Variants in LGSN observed in about 807,000 individuals in gnomAD.
The protein encoded by LGSN is lengsin.
Under a neutral mutation model 19.5 loss-of-function variants are expected in LGSN, and 21 were observed. The observed-to-expected ratio is 1.07, with a 90% CI of 0.76 to 1.55. The LOEUF is 1.55. Ranked by LOEUF, LGSN falls within the 40% of genes most tolerant of loss-of-function variation. LGSN has a pLI of 0.00. For synonymous variants in LGSN, 257 were observed against 215.6 expected (o/e 1.19, Z -1.68); for missense variants, 673 against 608.5 (o/e 1.11, Z -1.12).
chr6:63,314,152 A>T (rs1472735918), intron 1 of LGSN, among the ~76,000 whole-genome samples: 1 of 152,128 alleles, frequency 6.6e-6, no homozygotes, highest in African/African-American at 2.4e-5. Flanking sequence ...AAACCCTAAC[A>T]CCTAATGCGA....
chr6:63,408,769 G>C, the LGSN span, among the ~76,000 whole-genome samples: 1 of 151,522 alleles, frequency 6.6e-6, no homozygotes, highest in East Asian at 1.9e-4. Context: ...GAAAATTTTC[G>C]CAACCTACTT....
chr6:63,357,652 A>G, the LGSN span, among the ~76,000 whole-genome samples: 1 of 152,088 alleles, frequency 6.6e-6, no homozygotes, highest in African/African-American at 2.4e-5. Flanking sequence ...GTCTATTCAT[A>G]TCCTTTGCCC....
chr6:63,406,804 G>A, the LGSN span, among the ~76,000 whole-genome samples: 1 of 150,200 alleles, frequency 6.7e-6, no homozygotes, highest in South Asian at 2.1e-4. Context: ...GAAGAAAAGA[G>A]AGAAGAATCA....
intron 2 of LGSN, chr6:63,293,575 C>T: frequency 3.0e-6 from 1 of 335,474 alleles, no homozygotes; most frequent in South Asian, 2.4e-5. Context: ...CCTCAACCAA[C>T]ATTACATTCT....
At chr6:63,545,798 C>T in the LGSN span, among the ~76,000 whole-genome samples, 1 of 151,954 alleles carries the variant, frequency 6.6e-6, no homozygotes, top group Non-Finnish European at 1.5e-5. Flanking sequence ...TTCATTCTAG[C>T]TTTCCCATGT....
At chr6:63,419,860 G>T in the LGSN span, among the ~76,000 whole-genome samples, 1 of 114,054 alleles carries the variant, frequency 8.8e-6, no homozygotes, top group Non-Finnish European at 1.7e-5. Flanking sequence ...TAGCCTGGGC[G>T]TAAGAGCGAA....
the LGSN span, chr6:63,549,286 T>A: frequency 4.0e-6 from 3 of 753,888 alleles, no homozygotes; most frequent in South Asian, 4.1e-5. Context: ...GGAGGCACTT[T>A]CAGCCACTTA....
At chr6:63,506,692 C>T in the LGSN span, among the ~76,000 whole-genome samples, 1 of 152,188 alleles carries the variant, frequency 6.6e-6, no homozygotes, top group Non-Finnish European at 1.5e-5. Context: ...AACGGGCATA[C>T]ATGAAAGTTA....
chr6:63,517,205 T>G, the LGSN span, among the ~76,000 whole-genome samples: 1 of 152,256 alleles, frequency 6.6e-6, no homozygotes, highest in Non-Finnish European at 1.5e-5. Flanking sequence ...AAATAAAATA[T>G]ATCTGGAAAG....
At chr6:63,549,249 A>G in the LGSN span, 5 of 745,158 alleles carry the variant, frequency 6.7e-6, no homozygotes, top group African/African-American at 8.6e-5. Context: ...TTGGTGGTCC[A>G]GGGCCTGGGT....
chr6:63,511,153 C>T, the LGSN span, among the ~76,000 whole-genome samples: 94 of 152,180 alleles, frequency 6.2e-4, 1 homozygote, highest in Non-Finnish European at 8.8e-4. Context: ...TCCTGCAACA[C>T]GCTATATCTA....
the LGSN span, among the ~76,000 whole-genome samples, chr6:63,391,931 G>A: frequency 1.3e-5 from 2 of 152,286 alleles, no homozygotes; most frequent in African/African-American, 4.8e-5. Context: ...CTCCTCTCCA[G>A]TATAAGTCTT....
the LGSN span, among the ~76,000 whole-genome samples, chr6:63,387,150 A>T: frequency 3.9e-5 from 6 of 152,212 alleles, no homozygotes; most frequent in Non-Finnish European, 8.8e-5. Context: ...AGCAAAGGTA[A>T]AGTGCAAAGA....
the LGSN span, among the ~76,000 whole-genome samples, chr6:63,462,691 A>G: frequency 6.6e-6 from 1 of 152,210 alleles, no homozygotes; most frequent in Non-Finnish European, 1.5e-5. Context: ...ACATGCCTCT[A>G]ACAACCAAGG....
chr6:63,497,989 G>A, the LGSN span, among the ~76,000 whole-genome samples: 1 of 138,208 alleles, frequency 7.2e-6, no homozygotes, highest in African/African-American at 2.9e-5. Flanking sequence ...CACAACCTCA[G>A]CTCACTGCAA....
In LGSN at chr6:63,280,686, C is replaced by T. The variant is rs767711259; in HGVS notation, c.865G>A (p.Val289Ile). Residue 289 changes from valine to isoleucine, a missense_variant, in exon 4 of 4, where the codon GTC becomes ATC. Coordinates refer to ENST00000370657, the MANE Select transcript of LGSN (RefSeq NM_016571.3). The stretch of plus-strand genomic sequence containing the variant: ...TTATATTTCCTTGCCACTTCTTTGA[C>T]ACCTGTTCTGAGGGTAAATGCATTA... ...ADNAFTLRTG[V>I]KEVARKYNYI... 12 of 1,614,004 alleles carry T rather than the reference C, an allele frequency of 7.4e-6. No individual in the cohort carries two copies. Among genetic ancestry groups the T allele is most frequent in the African/African-American group, 2.7e-5 (2 of 74,920 alleles).
At chr6:63,377,243 C>T in the LGSN span, among the ~76,000 whole-genome samples, 1 of 152,152 alleles carries the variant, frequency 6.6e-6, no homozygotes, top group Non-Finnish European at 1.5e-5. Flanking sequence ...CTAACGTATC[C>T]TTTATGAATT....
At chr6:63,475,229 C>T in the LGSN span, among the ~76,000 whole-genome samples, 1 of 151,526 alleles carries the variant, frequency 6.6e-6, no homozygotes, top group Non-Finnish European at 1.5e-5. Context: ...AGTCCCCATA[C>T]CCTAACACCC....
At chr6:63,332,791 CA>C in the LGSN span, among the ~76,000 whole-genome samples, 7 of 152,156 alleles carry the variant, frequency 4.6e-5, no homozygotes, top group Admixed American at 1.3e-4. Context: ...GCAATGGTCT[CA>C]CTGCTTGGCG....
Sources: gnomAD v4.1 joint callset for allele counts (sites outside exome capture counted in the v4.1 genomes callset) on GRCh38, gnomAD v4.1.1 for gene constraint, MANE v1.5 for transcripts, NCBI Gene and HGNC (gene_info 2026-07-23, HGNC 2026-07-21) for gene names.